The following CAPN7 variants were observed in gnomAD, a reference collection of about 807,000 sequenced individuals.
The protein encoded by CAPN7 is calpain 7, also known as calpain-7.
A neutral mutation model predicts 115.2 loss-of-function variants in CAPN7; 72 were observed. The observed-to-expected ratio is 0.63, with a 90% CI of 0.52 to 0.76. The LOEUF is 0.76. CAPN7 is among the 30% of genes least tolerant of loss of function. CAPN7 has a pLI of 0.00. For synonymous variants in CAPN7, 344 were observed against 322.3 expected (o/e 1.07, Z -0.72); for missense variants, 905 against 971.5 (o/e 0.93, Z 0.91).
In CAPN7 at chr3:15,217,502, G is replaced by A. The variant is rs781136823; in HGVS notation, c.289G>A (p.Ala97Thr). The A allele has an allele frequency of 1.9e-6, 3 of 1,613,622 alleles. No homozygotes were observed. The highest frequency in any genetic ancestry group is 1.7e-5 in the Admixed American group (1 of 59,996). Reference sequence around the variant, plus strand: ...GCGTGCTCATTTCCTTGTTACACAAGCTTTTGATGAAGATGAAAAAGAGAA... The same window carrying A: ...GCGTGCTCATTTCCTTGTTACACAAACTTTTGATGAAGATGAAAAAGAGAA... ...LERAHFLVTQ[A>T]FDEDEKENVE... The change falls in exon 3 of 21, where the codon GCT becomes ACT. Residue 97 changes from alanine (A) to threonine (T), a missense_variant. By Grantham distance (58) the Ala-to-Thr change is moderately conservative. Transcript: ENST00000253693.
intron 2 of CAPN7, among the ~76,000 whole-genome samples, chr3:15,215,730 G>A (rs1430844647): frequency 1.3e-5 from 2 of 152,032 alleles, no homozygotes; most frequent in Non-Finnish European, 2.9e-5. Flanking sequence ...TTGTTTATCC[G>A]TTCATTAGTT....
intron 1 of CAPN7, among the ~76,000 whole-genome samples, chr3:15,211,464 G>C (rs1304276377): frequency 1.3e-5 from 2 of 152,134 alleles, no homozygotes; most frequent in Non-Finnish European, 2.9e-5. Flanking sequence ...AATTGAGAGA[G>C]AGCCTGGATA....
At chr3:15,228,144 ACT>A (rs1694440577) in intron 7 of CAPN7, among the ~76,000 whole-genome samples, 179 bp downstream of exon 7, 1 of 152,194 alleles carries the variant, frequency 6.6e-6, no homozygotes, top group Non-Finnish European at 1.5e-5. Context: ...AGTATAAATC[ACT>A]GTTTTGAGTG....
chr3:15,237,099 ATAAAT>A (rs576585542), intron 12 of CAPN7, among the ~76,000 whole-genome samples: 141 of 152,366 alleles, frequency 9.3e-4, no homozygotes, highest in African/African-American at 3.3e-3. Context: ...CAGCCCAATA[ATAAAT>A]TAACCTTGGC....
At chr3:15,216,063 G>A (rs923079106) in intron 2 of CAPN7, among the ~76,000 whole-genome samples, 1 of 151,408 alleles carries the variant, frequency 6.6e-6, no homozygotes, top group Admixed American at 6.5e-5. Context: ...ACTCCAACTT[G>A]GGTGACAGGG....
intron 6 of CAPN7, 133 bp downstream of exon 6, chr3:15,223,694 G>A (rs1694134696): frequency 1.6e-6 from 1 of 615,684 alleles, no homozygotes; most frequent in African/African-American, 1.9e-5. Context: ...CTGTGGGAAA[G>A]GGATAGGGCA....
In CAPN7 at chr3:15,220,815, G is replaced by C. The variant is rs1387299980; in HGVS notation, c.472G>C (p.Val158Leu). 1.9e-6 allele frequency: 3 copies of C among 1,614,182 alleles called. No individual in the cohort carries two copies. The highest frequency in any genetic ancestry group is 2.5e-6 in the Non-Finnish European group (3 of 1,180,036). The change falls in exon 5 of 21, where the codon GTT becomes CTT. Residue 158 changes from valine (V) to leucine (L), a missense_variant. Around this residue, in one of 3 missense-constraint regions of CAPN7, gnomAD observed 271 missense variants for 239.6 expected, o/e 1.13. Coordinates refer to ENST00000253693, the MANE Select transcript of CAPN7 (RefSeq NM_014296.3). The part of the protein sequence containing the change: ...EALSEPLTKP[V>L]GKISSTSVKP... Reference sequence around the variant, plus strand: ...GCTGAGTGAGCCTTTGACCAAGCCAGTTGGCAAAATCAGTTCAACAAGTGT... The same window carrying C: ...GCTGAGTGAGCCTTTGACCAAGCCACTTGGCAAAATCAGTTCAACAAGTGT...
intron 15 of CAPN7, 45 bp downstream of exon 15, chr3:15,241,633 A>G (rs373029465): frequency 8.9e-6 from 14 of 1,566,832 alleles, no homozygotes; most frequent in Non-Finnish European, 1.2e-5. Context: ...AATTTTTTTA[A>G]TATAGTTAGA....
intron 19 of CAPN7, among the ~76,000 whole-genome samples, chr3:15,250,182 G>A (rs1393803745): frequency 6.6e-6 from 1 of 150,416 alleles, no homozygotes; most frequent in Non-Finnish European, 1.5e-5. Context: ...AGACCAGCCT[G>A]GGCAGCATAG....
intron 14 of CAPN7, among the ~76,000 whole-genome samples, chr3:15,241,181 G>C (rs1427933537): frequency 2.0e-5 from 3 of 152,148 alleles, no homozygotes; most frequent in Non-Finnish European, 4.4e-5. Context: ...CTCCAGCCCG[G>C]ACAACAGAGC....
At position 15,218,546 on chromosome 3, in the gene CAPN7, T is replaced by C; in HGVS notation, c.437+6T>C. ...GCTCGACAGGCACTAGACAGGTGAG[T>C]TTGATCTCTCAAGTTCTAATCCATG... On this transcript the variant is annotated splice_donor_region_variant and intron_variant, in intron 4 of 20. Coordinates refer to ENST00000253693, the MANE Select transcript of CAPN7 (RefSeq NM_014296.3). 6.2e-7 allele frequency: 1 copy of C among 1,606,738 alleles called. No homozygotes were observed. The highest frequency in any genetic ancestry group is 8.5e-7 in the Non-Finnish European group (1 of 1,173,818).
Position 15,230,485 on chromosome 3 carries a change from C to A in CAPN7, c.982C>A (p.Pro328Thr). The part of the protein sequence containing the change: ...QNKDGEPEYN[P>T]CGKYMVKLHL... ...CAAGGATGGTGAACCAGAATACAAT[C>A]CATGTGGGAAGTATATGGTAAAACT... Residue 328 changes from proline to threonine, a missense_variant, in exon 9 of 21, where the codon CCA (proline) becomes ACA (threonine). Transcript: ENST00000253693. 2 of 1,613,062 alleles carry A rather than the reference C, an allele frequency of 1.2e-6. No individual in the cohort carries two copies. The highest frequency in any genetic ancestry group is 2.2e-5 in the East Asian group (1 of 44,756).
chr3:15,251,514 G>T lies in CAPN7; in HGVS notation c.*254G>T. ...TGGCTTGCATTTTAGGGGCCATTTTGTATAAAAAGTGCATATGATTAAAAT... is the reference window on the plus strand; with the variant it reads ...TGGCTTGCATTTTAGGGGCCATTTTTTATAAAAAGTGCATATGATTAAAAT... On this transcript the variant is annotated 3_prime_UTR_variant, in exon 21 of 21. Coordinates refer to ENST00000253693, the MANE Select transcript of CAPN7 (RefSeq NM_014296.3). 1 of 293,056 alleles carries T rather than the reference G, an allele frequency of 3.4e-6. No homozygotes were observed. The highest frequency in any genetic ancestry group is 6.3e-6 in the Non-Finnish European group (1 of 159,428). 18.2% of individuals were successfully genotyped at this position (293,056 alleles called of 1,614,324 possible).
intron 4 of CAPN7, among the ~76,000 whole-genome samples, chr3:15,219,155 T>A (rs1434759724): frequency 1.3e-5 from 2 of 152,194 alleles, no homozygotes; most frequent in African/African-American, 4.8e-5. Flanking sequence ...GGGCAGAGAT[T>A]TTTGTCTATT....
chr3:15,217,543 A>C lies in CAPN7; in HGVS notation c.330A>C (p.Ile110=). Reference sequence around the variant, plus strand: ...AAAAAGAGAATGTTGAAGATGCTATAGAATTGTACACAGAAGCTGTGGATC... The same window carrying C: ...AAAAAGAGAATGTTGAAGATGCTATCGAATTGTACACAGAAGCTGTGGATC... ...EDEKENVEDA[I]ELYTEAVDLC... The change falls in exon 3 of 21, where the codon ATA becomes ATC. Residue 110 remains isoleucine, a synonymous_variant. Transcript: ENST00000253693. 2.5e-6 allele frequency: 4 copies of C among 1,613,850 alleles called. No homozygotes were observed. Among genetic ancestry groups the C allele is most frequent in the Non-Finnish European group, 3.4e-6 (4 of 1,179,872 alleles).
chr3:15,213,530 T>C (rs2045069335), intron 2 of CAPN7, among the ~76,000 whole-genome samples: 1 of 152,234 alleles, frequency 6.6e-6, no homozygotes, highest in South Asian at 2.1e-4. Flanking sequence ...GTGATATTAT[T>C]CCAGGAGTAG....
intron 10 of CAPN7, among the ~76,000 whole-genome samples, chr3:15,233,016 T>C (rs553498096): frequency 2.2e-4 from 34 of 152,326 alleles, no homozygotes; most frequent in South Asian, 2.1e-3. Context: ...TAACAGAACT[T>C]AACCTATAAG....
chr3:15,245,430 G>A (rs1695600920), intron 16 of CAPN7, 96 bp from the exon 17 acceptor site: 1 of 1,090,646 alleles, frequency 9.2e-7, no homozygotes, highest in East Asian at 2.4e-5. Flanking sequence ...AATCAGTTAA[G>A]GAGATGTCCA....
rs144078278 is a variant in CAPN7, at chr3:15,250,626, C to G, written c.2205-305C>G. Among the ~76,000 whole-genome samples, 1,354 of 152,252 alleles carry G rather than the reference C, an allele frequency of 8.9e-3. 12 individuals are homozygous for G. The highest frequency in any genetic ancestry group is 0.014 in the Middle Eastern group (4 of 294). ...GGCGGAGGTTGCAGTGAGCCAAGATCGTGCCTCTGCACTCTAACCTGGGCA... is the reference window on the plus strand; with the variant it reads ...GGCGGAGGTTGCAGTGAGCCAAGATGGTGCCTCTGCACTCTAACCTGGGCA... On this transcript the variant is annotated intron_variant, in intron 19 of 20. Coordinates refer to ENST00000253693, the MANE Select transcript of CAPN7 (RefSeq NM_014296.3).
Sources: allele counts gnomAD v4.1 joint callset (sites outside exome capture counted in the v4.1 genomes callset), GRCh38; gene constraint gnomAD v4.1.1; regional missense constraint gnomAD v4.1.1; transcripts MANE v1.5; gene names NCBI Gene and HGNC (gene_info 2026-07-23, HGNC 2026-07-21).